Variants in ETV1 observed in about 807,000 individuals in gnomAD.
ETV1 encodes ETS variant transcription factor 1.
Under a neutral mutation model 62.3 loss-of-function variants are expected in ETV1, and 27 were observed. The observed-to-expected ratio is 0.43, with a 90% CI of 0.32 to 0.60. The LOEUF is 0.60. Among genes scored for constraint, ETV1 ranks in the 20% least tolerant of loss-of-function variants. The pLI, the probability that ETV1 is intolerant of heterozygous loss-of-function variation, is 0.06. For synonymous variants in ETV1, 222 were observed against 199.6 expected, an observed-to-expected ratio of 1.11 and a Z score of -0.94; for missense variants, 605 against 605.8, an observed-to-expected ratio of 1.00 and a Z score of 0.01.
intron 13 of ETV1, among the ~76,000 whole-genome samples, chr7:13,896,748 G>GAAAGAAAGA (rs1583545697): frequency 7.6e-6 from 1 of 131,092 alleles, no homozygotes; most frequent in East Asian, 2.1e-4. Flanking sequence ...AGAAAGGAAA[G>GAAAGAAAGA]AAAGAAAGAA....
chr7:13,982,054 C>T (rs112884328), intron 5 of ETV1, among the ~76,000 whole-genome samples: 63 of 152,140 alleles, frequency 4.1e-4, no homozygotes, highest in African/African-American at 1.4e-3. Context: ...TTTCCAATGA[C>T]AAAACACCTT....
chr7:13,978,272 A>C (rs1781647212), intron 5 of ETV1, among the ~76,000 whole-genome samples: 1 of 152,150 alleles, frequency 6.6e-6, no homozygotes, highest in Non-Finnish European at 1.5e-5. Context: ...ATTTGGCAGC[A>C]ATCAAAACAC....
intron 4 of ETV1, among the ~76,000 whole-genome samples, chr7:13,987,198 A>C (rs1363762450): frequency 1.3e-5 from 2 of 152,148 alleles, no homozygotes; most frequent in Non-Finnish European, 2.9e-5. Context: ...ACCACTTCAA[A>C]TACAAGTTTT....
intron 6 of ETV1, among the ~76,000 whole-genome samples, chr7:13,952,302 G>A (rs1788917359): frequency 1.3e-5 from 2 of 152,150 alleles, no homozygotes; most frequent in African/African-American, 2.4e-5. Flanking sequence ...TGTAATGCCT[G>A]CGTGTAAGTG....
intron 3 of ETV1, chr7:13,988,744 C>G (rs750532420): frequency 3.1e-6 from 5 of 1,612,336 alleles, no homozygotes; most frequent in South Asian, 1.1e-5. Context: ...CTGCTGCTGC[C>G]CTCCATCTCC....
intron 9 of ETV1, among the ~76,000 whole-genome samples, chr7:13,924,060 T>G (rs1353773576): frequency 1.3e-5 from 2 of 151,562 alleles, no homozygotes; most frequent in African/African-American, 4.8e-5. Context: ...AAAAATAAAA[T>G]AAAATAAAAT....
At chr7:13,962,465 TCAG>T (rs1562686774) in intron 6 of ETV1, among the ~76,000 whole-genome samples, 1 of 152,068 alleles carries the variant, frequency 6.6e-6, no homozygotes, top group Non-Finnish European at 1.5e-5. Context: ...ATCAACACTA[TCAG>T]CAGCATGAAA....
chr7:13,939,090 C>T lies in ETV1; in HGVS notation c.365+27G>A, dbSNP rs1394513850. Reference sequence around the variant, plus strand: ...TTTTGATTCAATAAGAACCACTATCCTACATACATACACCTGGTGGCTTTA... The same window carrying T: ...TTTTGATTCAATAAGAACCACTATCTTACATACATACACCTGGTGGCTTTA... On this transcript the variant is annotated intron_variant, in intron 7 of 13. Transcript: ENST00000430479. The T allele has an allele frequency of 3.1e-6, 5 of 1,601,648 alleles. No homozygotes were observed. The South Asian group carries it at 3.4e-5, about 11-fold the overall frequency.
chr7:13,901,359 ATTAT>A (rs1337091062), intron 12 of ETV1, among the ~76,000 whole-genome samples: 5 of 152,134 alleles, frequency 3.3e-5, no homozygotes, highest in African/African-American at 1.2e-4. Context: ...CCACAATAGA[ATTAT>A]TTGTCACTAT....
chr7:13,951,827 T>A (rs1788846281), intron 6 of ETV1, among the ~76,000 whole-genome samples: 1 of 152,176 alleles, frequency 6.6e-6, no homozygotes. Context: ...ACGTAACACA[T>A]AATGAGAACT....
chr7:13,939,133 A>G lies in ETV1; in HGVS notation c.349T>C (p.Cys117Arg). The change falls in exon 7 of 14, where the codon TGC (cysteine) becomes CGC (arginine). Residue 117 changes from cysteine to arginine, a missense_variant. Cys to Arg is a radical substitution (Grantham distance 180). Coordinates refer to ENST00000430479, the MANE Select transcript of ETV1 (RefSeq NM_004956.5). ...QPFKFSYGEKCLYNVSAYDQK... is the reference protein window; with the variant it reads ...QPFKFSYGEKRLYNVSAYDQK... ...TGGCTTTACCTGACATTGTACAGGC[A>G]CTTTTCTCCATAGCTGAATTTAAAG... 1 of 1,613,170 alleles carries G rather than the reference A, an allele frequency of 6.2e-7. No homozygotes were observed. Among genetic ancestry groups the G allele is most frequent in the East Asian group, 2.2e-5 (1 of 44,828 alleles).
intron 9 of ETV1, among the ~76,000 whole-genome samples, chr7:13,924,288 A>G (rs960435550): frequency 1.1e-4 from 16 of 152,294 alleles, no homozygotes; most frequent in African/African-American, 3.6e-4. Flanking sequence ...TGTTCATGCA[A>G]TCAAGGACTT....
In ETV1 at chr7:13,892,203, A is replaced by G; in HGVS notation, c.*3663T>C. 4.3e-6 allele frequency: 1 copy of G among 232,626 alleles called. No homozygotes were observed. Among genetic ancestry groups the G allele is most frequent in the Non-Finnish European group, 8.5e-6 (1 of 117,712 alleles). 14.4% of individuals were successfully genotyped at this position (232,626 alleles called of 1,614,324 possible). A position where few individuals can be genotyped will look rare whatever the true frequency, so the allele number is the denominator to read the frequency against. ...CACCAAAAGAAATGTATTAAAAAAT[A>G]AAATCTGGATTAGACCACTGATTTA... On this transcript the variant is annotated 3_prime_UTR_variant, in exon 14 of 14. Coordinates refer to ENST00000430479, the MANE Select transcript of ETV1 (RefSeq NM_004956.5).
chr7:13,935,120 GCTT>G (rs1303686512), intron 8 of ETV1, among the ~76,000 whole-genome samples: 2 of 152,120 alleles, frequency 1.3e-5, no homozygotes, highest in Non-Finnish European at 2.9e-5. Context: ...TCTATGCTAT[GCTT>G]CTTGCCTTGC....
rs190832100 is a variant in ETV1, at chr7:13,962,122, T to C, written c.235+15305A>G. Among the ~76,000 whole-genome samples the C allele has an allele frequency of 5.3e-3, 813 of 152,058 alleles. 11 individuals are homozygous for C. Among genetic ancestry groups the C allele is most frequent in the African/African-American group, 0.018 (763 of 41,512 alleles). ...ATACAGAATAAAAGCTTATATAGTA[T>C]GTTCCATGTGCCAAATATATTACTT... is the stretch of plus-strand genomic sequence containing the variant. On this transcript the variant is annotated intron_variant, in intron 6 of 13. Coordinates refer to ENST00000430479, the MANE Select transcript of ETV1 (RefSeq NM_004956.5).
intron 6 of ETV1, among the ~76,000 whole-genome samples, chr7:13,947,409 C>A (rs371895397): frequency 0.021 from 2,228 of 107,850 alleles, 52 homozygotes; most frequent in African/African-American, 0.074. Context: ...AAAAAAAAAA[C>A]AAACTCAAAC....
chr7:13,945,517 G>T (rs560837305), intron 6 of ETV1, among the ~76,000 whole-genome samples: 42 of 148,960 alleles, frequency 2.8e-4, no homozygotes, highest in African/African-American at 9.6e-4. Context: ...TTTTTTTTTT[G>T]AATTGCTGCA....
chr7:13,973,017 A>G (rs1454551763), intron 6 of ETV1, among the ~76,000 whole-genome samples: 2 of 152,232 alleles, frequency 1.3e-5, no homozygotes, highest in African/African-American at 2.4e-5. Flanking sequence ...CAATTAAAAT[A>G]TTTTGTAAAC....
Position 13,897,538 on chromosome 7 carries a change from G to C in ETV1, c.1213-1451C>G, listed in dbSNP as rs150467153. Among the ~76,000 whole-genome samples the C allele has an allele frequency of 6.6e-5, 10 of 152,188 alleles. No homozygotes were observed. The East Asian group carries it at 1.9e-3, about 29-fold the overall frequency. On this transcript the variant is annotated intron_variant, in intron 13 of 13. Transcript: ENST00000430479. ...TTTATGAATTTGGACCTGTTTCTTA[G>C]ACTACCTCTCAGTGGCCTTTGCTGT... is the stretch of plus-strand genomic sequence containing the variant.
Sources: gnomAD v4.1 joint callset for allele counts (sites outside exome capture counted in the v4.1 genomes callset) on GRCh38, gnomAD v4.1.1 for gene constraint, MANE v1.5 for transcripts, NCBI Gene and HGNC (gene_info 2026-07-23, HGNC 2026-07-21) for gene names.